SMG6: variants seen among roughly 807,000 people sequenced by gnomAD.
SMG6 encodes telomerase-binding protein EST1A.
In SMG6, 66 loss-of-function variants were observed where a neutral mutation model predicts 142.2. That is an observed-to-expected ratio of 0.46 (90% CI 0.38 to 0.57). SMG6 has a LOEUF of 0.57. Ranked by LOEUF, SMG6 falls within the 20% of genes least tolerant of loss-of-function variation. The pLI, the probability that SMG6 is intolerant of heterozygous loss-of-function variation, is 0.00. For synonymous variants in SMG6, 779 were observed against 702.4 expected (o/e 1.11, Z -1.72); for missense variants, 1,793 against 1,832.0 (o/e 0.98, Z 0.39).
chr17:2,118,880 T>C (rs114109869), intron 13 of SMG6, among the ~76,000 whole-genome samples: 1,557 of 149,660 alleles, frequency 0.01, 33 homozygotes, highest in African/African-American at 0.036. Flanking sequence ...TGGGCCACTG[T>C]GCCTGGCTCA....
At chr17:2,298,658 T>C (rs528104422) in intron 2 of SMG6, among the ~76,000 whole-genome samples, 4 of 149,226 alleles carry the variant, frequency 2.7e-5, no homozygotes, top group East Asian at 3.9e-4. Flanking sequence ...GCAGAGTTTG[T>C]AGTGAGCCAA....
At chr17:2,202,112 A>T (rs1262243098) in intron 10 of SMG6, among the ~76,000 whole-genome samples, 1 of 152,238 alleles carries the variant, frequency 6.6e-6, no homozygotes, top group Non-Finnish European at 1.5e-5. Context: ...ACATGCACGC[A>T]AAGAATGTTC....
intron 13 of SMG6, chr17:2,088,488 T>A: frequency 1.0e-6 from 1 of 985,460 alleles, no homozygotes; most frequent in Non-Finnish European, 1.2e-6. Flanking sequence ...GTGTCTGTCA[T>A]AGCTATTAGT....
chr17:2,144,813 C>T (rs1377030364), intron 13 of SMG6, among the ~76,000 whole-genome samples: 1 of 152,076 alleles, frequency 6.6e-6, no homozygotes, highest in Non-Finnish European at 1.5e-5. Context: ...AAAATGCTCA[C>T]CATGAGGTTT....
intron 10 of SMG6, among the ~76,000 whole-genome samples, chr17:2,200,998 T>C (rs1475218): frequency 0.044 from 6,722 of 152,308 alleles, 213 homozygotes; most frequent in Middle Eastern, 0.095. Flanking sequence ...CCAATGTATC[T>C]GTAATTACAA....
At chr17:2,105,154 T>C (rs1309166136) in intron 13 of SMG6, among the ~76,000 whole-genome samples, 1 of 145,240 alleles carries the variant, frequency 6.9e-6, no homozygotes, top group Admixed American at 7.0e-5. Context: ...CTCAAACTCC[T>C]GGACTCAAGC....
At chr17:2,096,355 C>T (rs553696926) in intron 13 of SMG6, among the ~76,000 whole-genome samples, 1 of 152,336 alleles carries the variant, frequency 6.6e-6, no homozygotes, top group East Asian at 1.9e-4. Context: ...TTCACAGGTG[C>T]ACGCCACCAT....
intron 12 of SMG6, among the ~76,000 whole-genome samples, chr17:2,173,892 A>G (rs1458918914): frequency 7.1e-6 from 1 of 141,844 alleles, no homozygotes; most frequent in Non-Finnish European, 1.5e-5. Context: ...GGGATACTAC[A>G]AATTGTGGTA....
At chr17:2,189,451 G>A (rs1189105936) in intron 10 of SMG6, among the ~76,000 whole-genome samples, 1 of 152,138 alleles carries the variant, frequency 6.6e-6, no homozygotes, top group Non-Finnish European at 1.5e-5. Flanking sequence ...CTCCGAGGAG[G>A]AGACACCACA....
chr17:2,255,361 G>A (rs1210467962), intron 8 of SMG6, among the ~76,000 whole-genome samples: 1 of 126,300 alleles, frequency 7.9e-6, no homozygotes. Flanking sequence ...CCGAGATCGC[G>A]CCACTGCACT....
intron 10 of SMG6, chr17:2,233,686 T>TA (rs1304280020): frequency 8.0e-6 from 1 of 124,798 alleles, no homozygotes; most frequent in Non-Finnish European, 1.6e-5. Context: ...CAGATGCTGC[T>TA]ACTCAGCCAC....
chr17:2,165,986 C>T (rs182739652), intron 13 of SMG6, among the ~76,000 whole-genome samples: 178 of 151,970 alleles, frequency 1.2e-3, no homozygotes, highest in African/African-American at 4.0e-3. Flanking sequence ...CCGAGGTGGG[C>T]GGATCACTTG....
intron 8 of SMG6, chr17:2,255,939 T>G (rs549556505): frequency 4.3e-5 from 9 of 209,762 alleles, no homozygotes; most frequent in South Asian, 3.9e-4. Flanking sequence ...TTGAATGGAT[T>G]AAGGGCGGTG....
intron 13 of SMG6, among the ~76,000 whole-genome samples, chr17:2,119,325 G>A (rs2069609655): frequency 1.3e-5 from 2 of 152,034 alleles, no homozygotes; most frequent in Admixed American, 1.3e-4. Flanking sequence ...CCAAAGTGCT[G>A]GGATTACAAG....
intron 10 of SMG6, chr17:2,215,720 G>A (rs1412663328): frequency 2.0e-5 from 3 of 152,010 alleles, no homozygotes; most frequent in African/African-American, 7.3e-5. Context: ...AGTCAGCCAA[G>A]ACGCAGAGAG....
chr17:2,111,514 C>T (rs959331645), intron 13 of SMG6, among the ~76,000 whole-genome samples: 2 of 152,086 alleles, frequency 1.3e-5, no homozygotes, highest in East Asian at 1.9e-4. Context: ...TGGGCTCAAG[C>T]GATCCTTCTA....
chr17:2,061,340 CCACAGCATGGCCGTGGCGTG>C lies in SMG6; in HGVS notation c.*132_*151del. On this transcript the variant is annotated 3_prime_UTR_variant, in exon 19 of 19. Transcript: ENST00000263073. ...AGGGGCTCTGTGAGGAGCAGGTCCC[CCACAGCATGGCCGTGGCGTG>C]GGTTGGAAGAGGATGGTTTATTGTC... 1 of 757,686 alleles carries C rather than the reference CCACAGCATGGCCGTGGCGTG, an allele frequency of 1.3e-6. No homozygotes were observed. The highest frequency in any genetic ancestry group is 2.1e-6 in the Non-Finnish European group (1 of 479,188). 46.9% of individuals were successfully genotyped at this position (757,686 alleles called of 1,614,324 possible).
chr17:2,221,105 T>C (rs778783793), intron 10 of SMG6, among the ~76,000 whole-genome samples: 2 of 152,208 alleles, frequency 1.3e-5, no homozygotes, highest in Admixed American at 6.5e-5. Flanking sequence ...CGCTGTTCTA[T>C]AGAAATTTAC....
chr17:2,152,736 C>T (rs989425025), intron 13 of SMG6, among the ~76,000 whole-genome samples: 4 of 152,220 alleles, frequency 2.6e-5, no homozygotes, highest in Non-Finnish European at 5.9e-5. Flanking sequence ...CAATACGGTG[C>T]AGCCACTTTG....
Sources: allele counts gnomAD v4.1 joint callset (sites outside exome capture counted in the v4.1 genomes callset), GRCh38; gene constraint gnomAD v4.1.1; transcripts MANE v1.5; gene names NCBI Gene and HGNC (gene_info 2026-07-23, HGNC 2026-07-21).